Variants in SLC25A21 observed in about 807,000 individuals in gnomAD.
The protein encoded by SLC25A21 is solute carrier family 25 member 21, also known as mitochondrial 2-oxodicarboxylate carrier.
Under a neutral mutation model 43.8 loss-of-function variants are expected in SLC25A21, and 47 were observed. The observed-to-expected ratio is 1.07, with a 90% CI of 0.85 to 1.37. The LOEUF (loss-of-function observed/expected upper bound fraction) is 1.37. Among genes scored for constraint, SLC25A21 ranks in the 40% most tolerant of loss-of-function variants. SLC25A21 has a pLI of 0.00. For missense variants in SLC25A21, 352 were observed against 350.2 expected, an observed-to-expected ratio of 1.00 and a Z score of -0.04; for synonymous variants, 131 against 121.3, an observed-to-expected ratio of 1.08 and a Z score of -0.52.
chr14:37,034,437 A>C (rs1400312326), intron 1 of SLC25A21, among the ~76,000 whole-genome samples: 2 of 152,210 alleles, frequency 1.3e-5, no homozygotes, highest in East Asian at 3.8e-4. Context: ...GGGCACTGAG[A>C]AACCTCTGCT....
intron 2 of SLC25A21, among the ~76,000 whole-genome samples, chr14:36,853,047 A>C (rs1208449693): frequency 2.6e-5 from 4 of 152,190 alleles, no homozygotes; most frequent in Non-Finnish European, 4.4e-5. Context: ...AAATACTTGC[A>C]CTATAAGCTT....
chr14:36,908,928 G>C (rs1206829762), intron 1 of SLC25A21, among the ~76,000 whole-genome samples: 1 of 152,184 alleles, frequency 6.6e-6, no homozygotes, highest in Non-Finnish European at 1.5e-5. Context: ...GGGCTTCAGT[G>C]AAAAGAATGG....
At chr14:36,859,956 G>T (rs1484181610) in intron 2 of SLC25A21, among the ~76,000 whole-genome samples, 2 of 151,996 alleles carry the variant, frequency 1.3e-5, no homozygotes, top group Non-Finnish European at 2.9e-5. Context: ...CACCTACTTT[G>T]TGTTCAACAC....
intron 3 of SLC25A21, among the ~76,000 whole-genome samples, chr14:36,776,222 T>TTTTC (rs1238160600): frequency 1.0e-5 from 1 of 100,468 alleles, no homozygotes; most frequent in African/African-American, 4.1e-5. Flanking sequence ...TCTTTTTTCT[T>TTTTC]TTTCTTTCTT....
At chr14:37,095,814 G>A (rs540890188) in intron 1 of SLC25A21, among the ~76,000 whole-genome samples, 166 of 31,712 alleles carry the variant, frequency 5.2e-3, no homozygotes, top group African/African-American at 9.9e-3. Flanking sequence ...ACACACACGC[G>A]CACGCACACA....
At chr14:36,811,015 G>A (rs1888243270) in intron 3 of SLC25A21, among the ~76,000 whole-genome samples, 1 of 90,070 alleles carries the variant, frequency 1.1e-5, no homozygotes, top group Non-Finnish European at 2.6e-5. Context: ...TAGTTTCTAG[G>A]GGAGGTTTGG....
chr14:36,838,971 T>C (rs934536311), intron 2 of SLC25A21, among the ~76,000 whole-genome samples: 1 of 152,200 alleles, frequency 6.6e-6, no homozygotes, highest in Non-Finnish European at 1.5e-5. Flanking sequence ...GAGTGTGCAT[T>C]CCACAACCTG....
intron 1 of SLC25A21, among the ~76,000 whole-genome samples, chr14:36,889,265 T>C (rs779836905): frequency 6.6e-6 from 1 of 152,218 alleles, no homozygotes; most frequent in Non-Finnish European, 1.5e-5. Context: ...CTACTAGGTG[T>C]GGATTAATTA....
intron 1 of SLC25A21, among the ~76,000 whole-genome samples, chr14:36,986,691 T>C (rs1960154460): frequency 1.3e-5 from 2 of 152,182 alleles, no homozygotes; most frequent in Admixed American, 1.3e-4. Context: ...ACTTTTCTGA[T>C]CTCAGTTCTC....
intron 3 of SLC25A21, among the ~76,000 whole-genome samples, chr14:36,790,377 C>G (rs1887441652): frequency 6.6e-6 from 1 of 152,052 alleles, no homozygotes; most frequent in Admixed American, 6.6e-5. Flanking sequence ...ATCACTCATT[C>G]TGCCTTCGAA....
chr14:36,959,727 C>T (rs1168880469), intron 1 of SLC25A21, among the ~76,000 whole-genome samples: 1 of 152,164 alleles, frequency 6.6e-6, no homozygotes, highest in East Asian at 1.9e-4. Context: ...TGCCAGTTCC[C>T]GGTAAACAGA....
At chr14:36,860,057 G>A (rs1013047585) in intron 2 of SLC25A21, among the ~76,000 whole-genome samples, 2 of 151,690 alleles carry the variant, frequency 1.3e-5, no homozygotes, top group East Asian at 1.9e-4. Context: ...ATGGAAGTGG[G>A]CAAAAACAGT....
At chr14:36,748,301 G>A (rs1393963116) in intron 3 of SLC25A21, among the ~76,000 whole-genome samples, 1 of 152,192 alleles carries the variant, frequency 6.6e-6, no homozygotes, top group Non-Finnish European at 1.5e-5. Flanking sequence ...TTTCTGCACG[G>A]AGCTAAAATG....
intron 1 of SLC25A21, among the ~76,000 whole-genome samples, chr14:37,021,432 T>G (rs1034408367): frequency 6.6e-6 from 1 of 151,972 alleles, no homozygotes; most frequent in Non-Finnish European, 1.5e-5. Context: ...AATAAAAAGT[T>G]AAAAGACAAT....
intron 3 of SLC25A21, among the ~76,000 whole-genome samples, chr14:36,765,935 C>G (rs17105249): frequency 0.17 from 26,455 of 152,146 alleles, 2,757 homozygotes; most frequent in East Asian, 0.38. Context: ...CTCAAAGACT[C>G]TTTTCCCACA....
intron 7 of SLC25A21, among the ~76,000 whole-genome samples, chr14:36,710,066 GTTATTA>G (rs1566523449): frequency 1.3e-5 from 2 of 152,124 alleles, no homozygotes; most frequent in African/African-American, 4.8e-5. Context: ...ATTAAAAAAC[GTTATTA>G]TTATGATTAT....
At chr14:36,903,682 A>G (rs1891458958) in intron 1 of SLC25A21, among the ~76,000 whole-genome samples, 1 of 88,208 alleles carries the variant, frequency 1.1e-5, no homozygotes, top group African/African-American at 3.1e-5. Context: ...TTTTCACATA[A>G]AAAAAAATCA....
intron 1 of SLC25A21, among the ~76,000 whole-genome samples, chr14:37,075,404 C>A (rs899149790): frequency 6.6e-6 from 1 of 152,030 alleles, no homozygotes. Flanking sequence ...TATTGATAGA[C>A]CCAGACAATT....
At chr14:37,049,684 A>G (rs1961664622) in intron 1 of SLC25A21, among the ~76,000 whole-genome samples, 1 of 152,220 alleles carries the variant, frequency 6.6e-6, no homozygotes, top group African/African-American at 2.4e-5. Context: ...ATGTAAGTCC[A>G]TATTTGTAAT....
Sources: gnomAD v4.1 joint callset for allele counts (sites outside exome capture counted in the v4.1 genomes callset) on GRCh38, gnomAD v4.1.1 for gene constraint, MANE v1.5 for transcripts, NCBI Gene and HGNC (gene_info 2026-07-23, HGNC 2026-07-21) for gene names.